Variants in RAB9B observed in about 807,000 individuals in gnomAD.
RAB9B encodes RAB9B, member RAS oncogene family.
A neutral mutation model predicts 8.9 loss-of-function variants in RAB9B; 1 was observed. The observed-to-expected ratio is 0.11, with a 90% CI of 0.04 to 0.53. RAB9B has a LOEUF of 0.53. Ranked by LOEUF, RAB9B falls within the 20% of genes least tolerant of loss-of-function variation. The pLI is 0.93. For missense variants in RAB9B, 82 were observed against 152.9 expected, an observed-to-expected ratio of 0.54 and a Z score of 2.45; for synonymous variants, 63 against 57.0, an observed-to-expected ratio of 1.10 and a Z score of -0.47.
the RAB9B span, among the ~76,000 whole-genome samples, chrX:103,784,034 G>A: frequency 2.2e-3 from 242 of 112,233 alleles, 1 homozygote; most frequent in Non-Finnish European, 2.5e-3. Context: ...GGATCTGGCC[G>A]AGAGGCCAGA....
the RAB9B span, chrX:103,788,370 G>A: frequency 1.1e-5 from 9 of 792,467 alleles, no homozygotes; most frequent in South Asian, 1.8e-4. Context: ...GGGCTCTGGG[G>A]GAAAGTCTCC....
At chrX:103,805,821 C>A in the RAB9B span, among the ~76,000 whole-genome samples, 5 of 111,368 alleles carry the variant, frequency 4.5e-5, no homozygotes, top group Non-Finnish European at 3.8e-5. Context: ...CAACTCTTGT[C>A]TCTTTTCTTG....
chrX:103,781,428 A>G, the RAB9B span: 1 of 231,797 alleles, frequency 4.3e-6, no homozygotes, highest in African/African-American at 2.8e-5. Context: ...GAGTTTGTAT[A>G]CAAATGTAGC....
the RAB9B span, among the ~76,000 whole-genome samples, chrX:103,789,670 T>C: frequency 8.9e-6 from 1 of 112,205 alleles, no homozygotes; most frequent in Non-Finnish European, 1.9e-5. Flanking sequence ...TTATAGAACA[T>C]GTAATGTTGC....
downstream of RAB9B, among the ~76,000 whole-genome samples, chrX:103,821,635 T>C (rs986443381): frequency 8.9e-6 from 1 of 112,426 alleles, no homozygotes; most frequent in Non-Finnish European, 1.9e-5. Flanking sequence ...GCTTTTCTTA[T>C]TTGTTTCACC....
At chrX:103,797,968 G>T in the RAB9B span, among the ~76,000 whole-genome samples, 2 of 111,333 alleles carry the variant, frequency 1.8e-5, no homozygotes, top group South Asian at 7.7e-4. Flanking sequence ...CCATGACCTT[G>T]CTGCTCTAAG....
the RAB9B span, among the ~76,000 whole-genome samples, chrX:103,782,222 C>T: frequency 8.9e-6 from 1 of 112,073 alleles, no homozygotes; most frequent in Middle Eastern, 4.2e-3. Context: ...ACATCTGATG[C>T]TTATGCTGAT....
At chrX:103,779,807 T>C in the RAB9B span, 2 of 112,257 alleles carry the variant, frequency 1.8e-5, no homozygotes, top group Admixed American at 9.4e-5. Context: ...CTCCAGCCAG[T>C]AACATCACTT....
chrX:103,819,512 G>A (rs978911990), downstream of RAB9B, among the ~76,000 whole-genome samples: 2 of 111,175 alleles, frequency 1.8e-5, no homozygotes, highest in Non-Finnish European at 3.8e-5. Context: ...AGGTGACGAC[G>A]CCACATCTTG....
At chrX:103,815,976 A>G in the RAB9B span, among the ~76,000 whole-genome samples, 4 of 112,164 alleles carry the variant, frequency 3.6e-5, no homozygotes, top group Non-Finnish European at 7.5e-5. Context: ...GGATATGAAG[A>G]ATCAATATCA....
intron 1 of RAB9B, among the ~76,000 whole-genome samples, chrX:103,830,429 G>A (rs2074698840): frequency 9.0e-6 from 1 of 111,581 alleles, no homozygotes; most frequent in Non-Finnish European, 1.9e-5. Context: ...GTCAAATGAC[G>A]TATGCATCCC....
the RAB9B span, among the ~76,000 whole-genome samples, chrX:103,782,309 A>G: frequency 8.9e-6 from 1 of 112,527 alleles, no homozygotes; most frequent in Admixed American, 9.4e-5. Context: ...TTAGAAACTC[A>G]TTAAAGCCTA....
chrX:103,831,625 A>T (rs749127501), intron 1 of RAB9B, among the ~76,000 whole-genome samples: 1 of 106,526 alleles, frequency 9.4e-6, no homozygotes, highest in South Asian at 4.5e-4. Flanking sequence ...AACACAAGGA[A>T]AAAAAGCTTC....
At chrX:103,793,297 T>C in the RAB9B span, among the ~76,000 whole-genome samples, 52 of 112,205 alleles carry the variant, frequency 4.6e-4, no homozygotes, top group African/African-American at 1.6e-3. Context: ...GACAGCACTC[T>C]GATGACCAGC....
At chrX:103,780,138 C>T in the RAB9B span, 1 of 113,083 alleles carries the variant, frequency 8.8e-6, no homozygotes, top group Admixed American at 9.3e-5. Flanking sequence ...CAGCTCTGCA[C>T]TGGCCTCTGA....
chrX:103,786,374 G>A, the RAB9B span: 22 of 1,067,337 alleles, frequency 2.1e-5, no homozygotes, highest in East Asian at 5.1e-4. Context: ...TAAGGTGCTC[G>A]CTCTGGTGTA....
the RAB9B span, among the ~76,000 whole-genome samples, chrX:103,803,525 C>A: frequency 2.7e-5 from 3 of 112,332 alleles, no homozygotes; most frequent in Non-Finnish European, 5.6e-5. Flanking sequence ...AGATATTTTG[C>A]CAATTTTAAA....
At chrX:103,781,347 G>A in the RAB9B span, 1 of 318,617 alleles carries the variant, frequency 3.1e-6, no homozygotes, top group South Asian at 2.7e-5. Context: ...TCAGACCGCT[G>A]TGAAGAGCGC....
At chrX:103,788,082 T>C in the RAB9B span, 1 of 594,928 alleles carries the variant, frequency 1.7e-6, no homozygotes, top group Non-Finnish European at 2.8e-6. Flanking sequence ...AGATGATGAA[T>C]GATTGGGTCT....
Sources: allele counts gnomAD v4.1 joint callset (sites outside exome capture counted in the v4.1 genomes callset), GRCh38; gene constraint gnomAD v4.1.1; transcripts MANE v1.5; gene names NCBI Gene and HGNC (gene_info 2026-07-23, HGNC 2026-07-21).